The following AFG2A variants were observed in gnomAD, a reference collection of about 807,000 sequenced individuals.
AFG2A encodes the protein AAA ATPase AFG2A.
chr4:123,184,365 A>C, the AFG2A span, among the ~76,000 whole-genome samples: 1 of 152,122 alleles, frequency 6.6e-6, no homozygotes, highest in Non-Finnish European at 1.5e-5. Context: ...TATTTTGAGA[A>C]AATAAGTCTG....
the AFG2A span, among the ~76,000 whole-genome samples, chr4:123,061,776 G>A: frequency 3.3e-4 from 50 of 152,224 alleles, no homozygotes; most frequent in Non-Finnish European, 5.0e-4. Flanking sequence ...TATTACTTAC[G>A]TTTTAAGATG....
At chr4:123,149,102 C>G in the AFG2A span, among the ~76,000 whole-genome samples, 1 of 152,172 alleles carries the variant, frequency 6.6e-6, no homozygotes, top group Non-Finnish European at 1.5e-5. Flanking sequence ...TGTTACTTTA[C>G]AGTTTGCCCA....
the AFG2A span, among the ~76,000 whole-genome samples, chr4:122,927,293 C>G: frequency 2.8e-4 from 42 of 152,296 alleles, no homozygotes; most frequent in Non-Finnish European, 5.3e-4. Flanking sequence ...CCTTTGAATA[C>G]TAGTAGCTGA....
chr4:123,056,500 A>G, the AFG2A span: 2 of 1,422,546 alleles, frequency 1.4e-6, no homozygotes, highest in Non-Finnish European at 1.9e-6. Context: ...TGTCCTGTGC[A>G]GCTTCCCTTT....
At chr4:123,146,267 A>G in the AFG2A span, among the ~76,000 whole-genome samples, 1 of 152,210 alleles carries the variant, frequency 6.6e-6, no homozygotes, top group Non-Finnish European at 1.5e-5. Context: ...AGAAGGAACT[A>G]GTGAGATATA....
chr4:122,970,310 T>TA, the AFG2A span, among the ~76,000 whole-genome samples: 2 of 152,192 alleles, frequency 1.3e-5, no homozygotes, highest in African/African-American at 4.8e-5. Context: ...TAACATGCCT[T>TA]ACAGGTTTGT....
the AFG2A span, among the ~76,000 whole-genome samples, chr4:123,151,099 C>T: frequency 3.9e-5 from 6 of 152,166 alleles, no homozygotes; most frequent in Non-Finnish European, 8.8e-5. Flanking sequence ...TCCTTCCTTA[C>T]ACCTTATACA....
At chr4:123,213,935 T>C in the AFG2A span, among the ~76,000 whole-genome samples, 15 of 152,210 alleles carry the variant, frequency 9.9e-5, no homozygotes, top group African/African-American at 3.1e-4. Context: ...AAAATAATCT[T>C]AATAACAAAT....
chr4:123,071,820 A>G, the AFG2A span, among the ~76,000 whole-genome samples: 1 of 152,366 alleles, frequency 6.6e-6, no homozygotes, highest in East Asian at 1.9e-4. Context: ...GTGATAAGCT[A>G]GATTACTCAA....
At chr4:123,162,072 T>A in the AFG2A span, among the ~76,000 whole-genome samples, 3 of 152,110 alleles carry the variant, frequency 2.0e-5, no homozygotes, top group African/African-American at 7.2e-5. Flanking sequence ...CTTCAGTTAT[T>A]CAAAGGACTG....
chr4:123,047,615 C>G, the AFG2A span, among the ~76,000 whole-genome samples: 2 of 151,722 alleles, frequency 1.3e-5, no homozygotes, highest in African/African-American at 4.8e-5. Context: ...GAGGTCTTGC[C>G]CAGACCACTG....
the AFG2A span, among the ~76,000 whole-genome samples, chr4:123,264,466 A>T: frequency 6.6e-6 from 1 of 152,214 alleles, no homozygotes; most frequent in Non-Finnish European, 1.5e-5. Context: ...AAGGTGGATT[A>T]TATCCTCTGA....
chr4:123,033,814 G>T, the AFG2A span, among the ~76,000 whole-genome samples: 1 of 152,084 alleles, frequency 6.6e-6, no homozygotes, highest in East Asian at 1.9e-4. Flanking sequence ...TTTTCATCCA[G>T]AAAAGTATAA....
At chr4:123,237,712 A>G in the AFG2A span, among the ~76,000 whole-genome samples, 2 of 149,866 alleles carry the variant, frequency 1.3e-5, no homozygotes, top group African/African-American at 2.5e-5. Context: ...TTCCATTCCA[A>G]GAGGGCCAAA....
the AFG2A span, among the ~76,000 whole-genome samples, chr4:123,252,055 T>A: frequency 6.6e-6 from 1 of 152,114 alleles, no homozygotes; most frequent in African/African-American, 2.4e-5. Flanking sequence ...AAAATAGAAT[T>A]TTTACATACT....
At chr4:123,212,169 T>C in the AFG2A span, among the ~76,000 whole-genome samples, 1 of 152,288 alleles carries the variant, frequency 6.6e-6, no homozygotes, top group African/African-American at 2.4e-5. Flanking sequence ...TAGTTTCCAT[T>C]TCCTTACAGT....
the AFG2A span, among the ~76,000 whole-genome samples, chr4:123,147,953 AATT>A: frequency 7.8e-4 from 119 of 152,190 alleles, no homozygotes; most frequent in Non-Finnish European, 1.4e-3. Flanking sequence ...TTTTTCTAAG[AATT>A]ATTACAAGAT....
the AFG2A span, among the ~76,000 whole-genome samples, chr4:123,211,163 G>A: frequency 6.6e-6 from 1 of 152,144 alleles, no homozygotes; most frequent in African/African-American, 2.4e-5. Flanking sequence ...AATTTTTATA[G>A]TTTATTAGTA....
the AFG2A span, among the ~76,000 whole-genome samples, chr4:123,177,236 A>G: frequency 6.4e-5 from 9 of 141,514 alleles, no homozygotes; most frequent in Admixed American, 3.0e-4. Flanking sequence ...CTCTGTCACC[A>G]GGCTGGAGTG....
Sources: gnomAD v4.1 joint callset for allele counts (sites outside exome capture counted in the v4.1 genomes callset) on GRCh38, gnomAD v4.1.1 for gene constraint, MANE v1.5 for transcripts, NCBI Gene and HGNC (gene_info 2026-07-23, HGNC 2026-07-21) for gene names.